STYK1: variants seen among roughly 807,000 people sequenced by gnomAD.
STYK1 encodes tyrosine-protein kinase STYK1.
In STYK1, 46 loss-of-function variants were observed where a neutral mutation model predicts 48.1. The ratio of observed to expected loss-of-function variants is 0.96; its 90% CI spans 0.75 to 1.22. STYK1 has a LOEUF of 1.22. STYK1 is among the 50% of genes most tolerant of loss of function. The probability of loss-of-function intolerance (pLI) is 0.00; values close to 1 mark genes in which losing one functional copy is unlikely to be tolerated. For missense variants in STYK1, 527 were observed against 521.1 expected (o/e 1.01, Z -0.11); for synonymous variants, 188 against 189.0 (o/e 0.99, Z 0.04).
At chr12:10,624,990 GAT>G (rs1947340106) in intron 7 of STYK1, 131 bp from the exon 8 acceptor site, 2 of 715,700 alleles carry the variant, frequency 2.8e-6, no homozygotes, top group Admixed American at 2.3e-5. Flanking sequence ...CACTAATAAT[GAT>G]ATGTCACTTC....
chr12:10,651,004 CAA>C lies in STYK1; in HGVS notation c.-194-13810_-194-13809del, dbSNP rs11342378. 2.2e-3 allele frequency among the ~76,000 whole-genome samples: 261 copies of C among 118,478 alleles called. No homozygotes were observed. In the South Asian group the frequency reaches 0.029, roughly 13 times the overall value. The allele number at this position is 118,478 out of a possible 152,430, so 77.7% of individuals were successfully genotyped here. A position where few individuals can be genotyped will look rare whatever the true frequency, so the allele number is the denominator to read the frequency against. On this transcript the variant is annotated intron_variant, in intron 1 of 10. Coordinates refer to ENST00000075503, the MANE Select transcript of STYK1 (RefSeq NM_018423.3). ...TGGGTGACAGAGCGAGACTCCTTCT[CAA>C]AAAAAAAAAAAAAAAAGTGTGGGAG...
At chr12:10,661,602 A>T (rs1417069777) in intron 1 of STYK1, among the ~76,000 whole-genome samples, 2 of 152,248 alleles carry the variant, frequency 1.3e-5, no homozygotes, top group East Asian at 3.8e-4. Context: ...ATATAGTGGT[A>T]GTCATGTGTT....
In STYK1 at chr12:10,642,095, G is replaced by A. The variant is rs1004635066; in HGVS notation, c.-194-4899C>T. On this transcript the variant is annotated intron_variant, in intron 1 of 10. Coordinates refer to ENST00000075503, the MANE Select transcript of STYK1 (RefSeq NM_018423.3). ...GTAGGAAGTTTATCAACTGGAAAAC[G>A]GGCATGCCAATCAATAAGTACCCTC... Among the ~76,000 whole-genome samples the A allele has an allele frequency of 3.9e-5, 6 of 152,134 alleles. No individual in the cohort carries two copies. In the East Asian group the frequency reaches 7.7e-4, roughly 20 times the overall value.
chr12:10,651,467 T>A (rs1357989360), intron 1 of STYK1, among the ~76,000 whole-genome samples: 1 of 152,230 alleles, frequency 6.6e-6, no homozygotes. Context: ...GGGTTTGCAA[T>A]ATTATCTAAC....
chr12:10,667,458 TA>T lies in STYK1; in HGVS notation c.-195+6507del, dbSNP rs112054531. 6.4e-3 allele frequency: 902 copies of T among 141,918 alleles called. 5 individuals are homozygous for T. The highest frequency in any genetic ancestry group is 0.011 in the African/African-American group (418 of 38,890). The allele number at this position is 141,918 out of a possible 1,614,324, so 8.8% of individuals were successfully genotyped here. On this transcript the variant is annotated intron_variant, in intron 1 of 10. Coordinates refer to ENST00000075503, the MANE Select transcript of STYK1 (RefSeq NM_018423.3). The stretch of plus-strand genomic sequence containing the variant: ...GGGTCTTCAGCAAGACCCTGTCTCT[TA>T]AAAAAAAAAAAAATACAAAAATTAG...
chr12:10,657,220 C>G (rs1947728930), intron 1 of STYK1, among the ~76,000 whole-genome samples: 2 of 152,136 alleles, frequency 1.3e-5, no homozygotes, highest in African/African-American at 4.8e-5. Context: ...CTATTAGGCT[C>G]TAGAAATTGC....
chr12:10,638,417 A>G (rs1006315071), intron 1 of STYK1, among the ~76,000 whole-genome samples: 2 of 152,212 alleles, frequency 1.3e-5, no homozygotes, highest in Non-Finnish European at 2.9e-5. Context: ...AAAAGGGAGG[A>G]GAATGAAAGT....
intron 1 of STYK1, among the ~76,000 whole-genome samples, chr12:10,673,249 A>T (rs902062817): frequency 2.6e-5 from 4 of 151,958 alleles, no homozygotes; most frequent in Admixed American, 2.6e-4. Context: ...TGGTGGTGGG[A>T]GCCTGTAATC....
At chr12:10,634,320 T>C (rs960702135) in intron 3 of STYK1, among the ~76,000 whole-genome samples, 196 bp from the exon 4 acceptor site, 7 of 152,208 alleles carry the variant, frequency 4.6e-5, no homozygotes, top group African/African-American at 1.7e-4. Flanking sequence ...CTCTGTTTCT[T>C]AGCCCATCAA....
rs1947451528 is a variant in STYK1 at position 10,633,496 on chromosome 12, A to G, written c.187+494T>C. Among the ~76,000 whole-genome samples, 4 of 152,246 alleles carry G rather than the reference A, an allele frequency of 2.6e-5. No individual in the cohort carries two copies. In the South Asian group the frequency reaches 6.2e-4, roughly 24 times the overall value. On this transcript the variant is annotated intron_variant, in intron 4 of 10. Coordinates refer to ENST00000075503, the MANE Select transcript of STYK1 (RefSeq NM_018423.3). ...TTCATCTGTGAATTGATTCCCTTTT[A>G]TTATATGCTCAGTGGAACTCCAGAA...
intron 6 of STYK1, among the ~76,000 whole-genome samples, chr12:10,628,295 A>G (rs1947382809): frequency 6.6e-6 from 1 of 152,224 alleles, no homozygotes; most frequent in African/African-American, 2.4e-5. Flanking sequence ...TGGTGGGCAG[A>G]AGAGAGTTGA....
chr12:10,620,438 T>C, intron 10 of STYK1, 90 bp from the exon 11 acceptor site: 1 of 1,187,042 alleles, frequency 8.4e-7, no homozygotes, highest in Non-Finnish European at 1.2e-6. Context: ...AACAAACAAC[T>C]CTGCAATTCT....
At chr12:10,622,559 G>A in intron 9 of STYK1, 79 bp downstream of exon 9, 1 of 1,533,402 alleles carries the variant, frequency 6.5e-7, no homozygotes, top group Non-Finnish European at 9.0e-7. Flanking sequence ...CTTTCAGAAA[G>A]CATACATCAT....
intron 1 of STYK1, among the ~76,000 whole-genome samples, chr12:10,653,947 G>T (rs1382375480): frequency 3.3e-5 from 5 of 152,246 alleles, no homozygotes; most frequent in African/African-American, 1.2e-4. Flanking sequence ...TTAGTTATAG[G>T]ATGAAACAGG....
Position 10,619,009 on chromosome 12 carries a change from A to G in STYK1, c.*1135T>C, listed in dbSNP as rs1336893951. The G allele has an allele frequency of 1.3e-5, 2 of 152,204 alleles. No homozygotes were observed. Among genetic ancestry groups the G allele is most frequent in the Non-Finnish European group, 2.9e-5 (2 of 68,032 alleles). 9.4% of individuals were successfully genotyped at this position (152,204 alleles called of 1,614,324 possible). On this transcript the variant is annotated 3_prime_UTR_variant, in exon 11 of 11. Coordinates refer to ENST00000075503, the MANE Select transcript of STYK1 (RefSeq NM_018423.3). The stretch of plus-strand genomic sequence containing the variant: ...ACAAATACATACTCAAAACGTATCA[A>G]TCCTCAGAACAACCTTGTGAAATAG...
At chr12:10,650,008 G>C (rs553735913) in intron 1 of STYK1, among the ~76,000 whole-genome samples, 1 of 151,584 alleles carries the variant, frequency 6.6e-6, no homozygotes, top group East Asian at 1.9e-4. Flanking sequence ...CAGCTACTCG[G>C]GAGGCGGAGG....
intron 1 of STYK1, among the ~76,000 whole-genome samples, chr12:10,637,625 G>A (rs1947501029): frequency 6.6e-6 from 1 of 152,304 alleles, no homozygotes; most frequent in East Asian, 1.9e-4. Flanking sequence ...ACAGGCATGA[G>A]CCACTGCGCC....
chr12:10,652,802 T>A (rs1947676166), intron 1 of STYK1, among the ~76,000 whole-genome samples: 1 of 152,156 alleles, frequency 6.6e-6, no homozygotes, highest in South Asian at 2.1e-4. Flanking sequence ...ATAAATGAAC[T>A]TTAGAATAAT....
chr12:10,656,384 T>C (rs897723687), intron 1 of STYK1, among the ~76,000 whole-genome samples: 3 of 152,276 alleles, frequency 2.0e-5, no homozygotes, highest in East Asian at 1.9e-4. Context: ...CCCAGCACTT[T>C]GGGAGGCTGA....
Sources: allele counts gnomAD v4.1 joint callset (sites outside exome capture counted in the v4.1 genomes callset), GRCh38; gene constraint gnomAD v4.1.1; transcripts MANE v1.5; gene names NCBI Gene and HGNC (gene_info 2026-07-23, HGNC 2026-07-21).